Variants in ARHGEF10 observed in about 807,000 individuals in gnomAD.
ARHGEF10 encodes Rho guanine nucleotide exchange factor 10.
A neutral mutation model predicts 147.4 loss-of-function variants in ARHGEF10; 140 were observed. The observed-to-expected ratio is 0.95, with a 90% CI of 0.83 to 1.09. The LOEUF (loss-of-function observed/expected upper bound fraction) is 1.09, where lower values mean the gene tolerates loss of function less well. ARHGEF10 is among the 50% of genes least tolerant of loss of function. The pLI, the probability that ARHGEF10 is intolerant of heterozygous loss-of-function variation, is 0.00. For missense variants in ARHGEF10, 2,222 were observed against 1,752.7 expected, an observed-to-expected ratio of 1.27 and a Z score of -4.78; for synonymous variants, 902 against 695.8, an observed-to-expected ratio of 1.30 and a Z score of -4.67.
chr8:1,882,516 C>T (rs1404673173), intron 9 of ARHGEF10, 119 bp from the exon 10 acceptor site: 22 of 870,348 alleles, frequency 2.5e-5, no homozygotes, highest in East Asian at 2.1e-4. Context: ...CAGAACTGCA[C>T]GTGACACATG....
chr8:1,886,840 C>T (rs1027062901), intron 11 of ARHGEF10, among the ~76,000 whole-genome samples: 6 of 152,192 alleles, frequency 3.9e-5, no homozygotes, highest in African/African-American at 1.2e-4. Context: ...CGTGTCTGAT[C>T]TCAGTCTCTC....
In ARHGEF10 at chr8:1,867,568, G is replaced by A. The variant is rs114154039; in HGVS notation, c.622+966G>A. 3.4e-3 allele frequency among the ~76,000 whole-genome samples: 512 copies of A among 152,276 alleles called. 2 individuals carry two copies. Among genetic ancestry groups the A allele is most frequent in the African/African-American group, 0.011 (477 of 41,560 alleles). On this transcript the variant is annotated intron_variant, in intron 6 of 28. Transcript: ENST00000349830. ...TTTCCAACACGCGGCTCCAGCTTCC[G>A]TACAATTCAGAGTAAACCTAAAGGC...
chr8:1,909,496 G>A (rs371825545), intron 18 of ARHGEF10, 26 bp downstream of exon 18: 12 of 1,612,708 alleles, frequency 7.4e-6, no homozygotes, highest in South Asian at 5.5e-5. Flanking sequence ...TCTCACGTTC[G>A]TGCCGTGGGG....
rs751028628 is a variant in ARHGEF10, at chr8:1,945,635, C to G, written c.3377C>G (p.Pro1126Arg). Residue 1126 changes from proline (P) to arginine (R), a missense_variant, in exon 27 of 29, where the codon CCT (proline) becomes CGT (arginine). By Grantham distance (103) the Pro-to-Arg change is moderately radical. Coordinates refer to ENST00000349830, the MANE Select transcript of ARHGEF10 (RefSeq NM_014629.4). ...KHLQDINIAT[P>R]VHNMLPGHQR... ...CTGCAGGACATCAACATCGCCACCCCTGTTCACAACATGCTGCCAGGTAAG... is the reference window on the plus strand; with the variant it reads ...CTGCAGGACATCAACATCGCCACCCGTGTTCACAACATGCTGCCAGGTAAG... The G allele has an allele frequency of 1.2e-6, 2 of 1,614,220 alleles. No individual in the cohort carries two copies. Among genetic ancestry groups the G allele is most frequent in the Non-Finnish European group, 8.5e-7 (1 of 1,180,014 alleles).
chr8:1,823,833 G>A (rs1802558069), upstream of ARHGEF10: 1 of 151,890 alleles, frequency 6.6e-6, no homozygotes, highest in Non-Finnish European at 1.5e-5. Flanking sequence ...GGGCGCTGCC[G>A]AGAAACCGGC....
At chr8:1,830,518 GA>G (rs1803030569) in intron 1 of ARHGEF10, among the ~76,000 whole-genome samples, 1 of 152,224 alleles carries the variant, frequency 6.6e-6, no homozygotes. Context: ...TGCACATGAA[GA>G]AAATCTACCT....
At chr8:1,894,637 T>C in intron 13 of ARHGEF10, 65 bp downstream of exon 13, 2 of 1,572,864 alleles carry the variant, frequency 1.3e-6, no homozygotes, top group South Asian at 2.2e-5. Context: ...TCTTCCCTTC[T>C]TAGGCTGATG....
At chr8:1,838,585 C>T (rs893685362) in intron 1 of ARHGEF10, among the ~76,000 whole-genome samples, 2 of 152,278 alleles carry the variant, frequency 1.3e-5, no homozygotes, top group African/African-American at 2.4e-5. Flanking sequence ...CTCTTCAGCA[C>T]AGTTGGTGTT....
At chr8:1,869,173 G>A (rs1363546774) in intron 6 of ARHGEF10, 21 bp from the exon 7 acceptor site, 4 of 1,609,800 alleles carry the variant, frequency 2.5e-6, no homozygotes, top group African/African-American at 2.7e-5. Flanking sequence ...TGTTTAAAGT[G>A]TTTCTCCCCG....
chr8:1,855,579 G>C (rs1246712780), intron 2 of ARHGEF10, among the ~76,000 whole-genome samples: 1 of 151,590 alleles, frequency 6.6e-6, no homozygotes, highest in African/African-American at 2.4e-5. Flanking sequence ...TTTAAGAGAC[G>C]GGGTTTCACT....
chr8:1,828,670 G>A (rs1802909882), intron 1 of ARHGEF10, among the ~76,000 whole-genome samples: 1 of 150,602 alleles, frequency 6.6e-6, no homozygotes, highest in South Asian at 2.1e-4. Context: ...ATAAACCGTG[G>A]CATGCACACT....
chr8:1,862,775 CTTTT>C (rs10594929), intron 4 of ARHGEF10, among the ~76,000 whole-genome samples: 13 of 120,480 alleles, frequency 1.1e-4, no homozygotes, highest in Admixed American at 2.5e-4. Context: ...TTTTCTTCTT[CTTTT>C]TTTTTTTTTT....
chr8:1,866,957 G>A (rs1226620769), intron 6 of ARHGEF10, among the ~76,000 whole-genome samples: 3 of 151,738 alleles, frequency 2.0e-5, no homozygotes, highest in South Asian at 2.1e-4. Context: ...GCTTGCCTGT[G>A]ATTCCCAGGG....
chr8:1,901,713 C>T (rs1810478087), intron 15 of ARHGEF10, among the ~76,000 whole-genome samples: 1 of 152,236 alleles, frequency 6.6e-6, no homozygotes, highest in Non-Finnish European at 1.5e-5. Flanking sequence ...CCATCGCACG[C>T]CTAGTCCCCG....
chr8:1,866,255 G>A (rs754479705), intron 5 of ARHGEF10, among the ~76,000 whole-genome samples: 13 of 152,222 alleles, frequency 8.5e-5, no homozygotes, highest in African/African-American at 3.1e-4. Context: ...GGCAAGGACC[G>A]TATTGCGGCT....
chr8:1,843,584 G>A (rs1368045095), intron 2 of ARHGEF10, 148 bp downstream of exon 2: 7 of 710,570 alleles, frequency 9.9e-6, no homozygotes, highest in South Asian at 6.3e-5. Flanking sequence ...GTTCTGACGT[G>A]AGCCTGGGTG....
rs767672890 is a variant in ARHGEF10, at chr8:1,876,597, A to G, written c.706A>G (p.Asn236Asp). 25 of 1,614,168 alleles carry G rather than the reference A, an allele frequency of 1.5e-5. No homozygotes were observed. The highest frequency in any genetic ancestry group is 2.1e-5 in the Non-Finnish European group (25 of 1,180,018). Reference sequence around the variant, plus strand: ...TGAAATGATTTATGATGATGTTGAGAATGGGGATGAAGGTGGAAACAGCTC... The same window carrying G: ...TGAAATGATTTATGATGATGTTGAGGATGGGGATGAAGGTGGAAACAGCTC... The part of the protein sequence containing the change: ...PDEMIYDDVE[N>D]GDEGGNSSLE... The change falls in exon 8 of 29, where the codon AAT becomes GAT. Residue 236 changes from asparagine (N) to aspartate (D), a missense_variant. Asn to Asp is a conservative substitution (Grantham distance 23). Coordinates refer to ENST00000349830, the MANE Select transcript of ARHGEF10 (RefSeq NM_014629.4).
At chr8:1,918,040 GGCCTCCCAAA>G (rs1467128634) in intron 18 of ARHGEF10, among the ~76,000 whole-genome samples, 1 of 151,806 alleles carries the variant, frequency 6.6e-6, no homozygotes, top group Non-Finnish European at 1.5e-5. Context: ...CACCTACCTT[GGCCTCCCAAA>G]GTGCTGGGAT....
intron 26 of ARHGEF10, among the ~76,000 whole-genome samples, chr8:1,935,269 A>G (rs1554512308): frequency 1.3e-5 from 2 of 151,994 alleles, no homozygotes; most frequent in African/African-American, 2.4e-5. Flanking sequence ...ACAGTCAGTG[A>G]GCCTGCATGG....
Sources: allele counts gnomAD v4.1 joint callset (sites outside exome capture counted in the v4.1 genomes callset), GRCh38; gene constraint gnomAD v4.1.1; transcripts MANE v1.5; gene names NCBI Gene and HGNC (gene_info 2026-07-23, HGNC 2026-07-21).